Variants in RYR3 observed in about 807,000 individuals in gnomAD.
RYR3 encodes the protein brain ryanodine receptor-calcium release channel.
Under a neutral mutation model 584.3 loss-of-function variants are expected in RYR3, and 207 were observed. The ratio of observed to expected loss-of-function variants is 0.35; its 90% CI spans 0.32 to 0.40. The LOEUF is 0.40. Ranked by LOEUF, RYR3 falls within the 10% of genes least tolerant of loss-of-function variation. The pLI, the probability that RYR3 is intolerant of heterozygous loss-of-function variation, is 1.00. For synonymous variants in RYR3, 2,416 were observed against 2,248.5 expected (o/e 1.07, Z -2.11); for missense variants, 5,616 against 6,089.2 (o/e 0.92, Z 2.59).
intron 38 of RYR3, among the ~76,000 whole-genome samples, chr15:33,694,565 A>G (rs2065702881): frequency 6.6e-6 from 1 of 152,022 alleles, no homozygotes; most frequent in African/African-American, 2.4e-5. Flanking sequence ...GAATAATATG[A>G]CAGACAATAA....
At chr15:33,489,622 G>A (rs2050797844) in intron 2 of RYR3, among the ~76,000 whole-genome samples, 1 of 152,160 alleles carries the variant, frequency 6.6e-6, no homozygotes, top group Non-Finnish European at 1.5e-5. Context: ...GAGCATTTAG[G>A]TTGATTCCAT....
At chr15:33,654,849 C>T (rs1252930153) in intron 32 of RYR3, among the ~76,000 whole-genome samples, 1 of 152,234 alleles carries the variant, frequency 6.6e-6, no homozygotes, top group African/African-American at 2.4e-5. Flanking sequence ...CTTAAATCAG[C>T]CTCAGGTTAC....
Position 33,812,944 on chromosome 15 carries a change from A to C in RYR3, c.10339A>C (p.Thr3447Pro). The change falls in exon 73 of 104, where the codon ACA (threonine) becomes CCA (proline). Residue 3447 changes from threonine to proline, a missense_variant. This residue lies in a region of RYR3 where 954 missense variants were observed against 1,132.2 expected (regional missense o/e 0.84). Coordinates refer to ENST00000634891, the MANE Select transcript of RYR3 (RefSeq NM_001036.6). ...KSEEPFNPEK[T>P]VERVQRISAA... ...TGAAGAACCTTTCAATCCGGAAAAGACAGTGGAGCGTGTGCAGAGAATTTC... is the reference window on the plus strand; with the variant it reads ...TGAAGAACCTTTCAATCCGGAAAAGCCAGTGGAGCGTGTGCAGAGAATTTC... 6.2e-7 allele frequency: 1 copy of C among 1,613,960 alleles called. No individual in the cohort carries two copies. The highest frequency in any genetic ancestry group is 8.5e-7 in the Non-Finnish European group (1 of 1,179,812).
chr15:33,748,404 G>A, intron 54 of RYR3, 64 bp from the exon 55 acceptor site: 2 of 1,555,914 alleles, frequency 1.3e-6, no homozygotes, highest in South Asian at 2.3e-5. Flanking sequence ...AGCTGAAGTT[G>A]GGGATGCCTG....
chr15:33,493,921 T>C (rs2051189882), intron 2 of RYR3, among the ~76,000 whole-genome samples: 1 of 147,504 alleles, frequency 6.8e-6, no homozygotes, highest in African/African-American at 2.7e-5. Flanking sequence ...TGTCTCAAAA[T>C]AATAATGATG....
chr15:33,749,685 G>A (rs564335801), intron 55 of RYR3, among the ~76,000 whole-genome samples: 5 of 152,288 alleles, frequency 3.3e-5, no homozygotes, highest in African/African-American at 1.2e-4. Flanking sequence ...ATGATGTGCT[G>A]CCAGCATGCG....
intron 15 of RYR3, among the ~76,000 whole-genome samples, 158 bp from the exon 16 acceptor site, chr15:33,585,840 T>C (rs1383784992): frequency 1.3e-5 from 2 of 152,102 alleles, no homozygotes; most frequent in Admixed American, 6.5e-5. Flanking sequence ...CTACCGGAAA[T>C]GATGCATTTT....
chr15:33,552,352 A>G (rs2141261939), intron 10 of RYR3, among the ~76,000 whole-genome samples: 1 of 152,122 alleles, frequency 6.6e-6, no homozygotes, highest in East Asian at 1.9e-4. Flanking sequence ...ATTTCCCTTC[A>G]AAGGGTCCAT....
At chr15:33,518,528 C>T (rs937846767) in intron 3 of RYR3, among the ~76,000 whole-genome samples, 3 of 152,198 alleles carry the variant, frequency 2.0e-5, no homozygotes, top group East Asian at 1.9e-4. Flanking sequence ...GCTGCAAAGC[C>T]TGCCACAGTG....
At position 33,618,979 on chromosome 15, in the gene RYR3, A is replaced by G. The variant is rs1030927399; in HGVS notation, c.2358-4828A>G. Among the ~76,000 whole-genome samples the G allele has an allele frequency of 3.9e-5, 6 of 152,230 alleles. No individual in the cohort carries two copies. The East Asian group carries it at 5.8e-4, about 15-fold the overall frequency. On this transcript the variant is annotated intron_variant, in intron 19 of 103. Transcript: ENST00000634891. The stretch of plus-strand genomic sequence containing the variant: ...TGAAAATGCTGGCAGAGATTTTTCA[A>G]TATAATTTGTCCTGTGTTTTCAAAA...
intron 65 of RYR3, among the ~76,000 whole-genome samples, chr15:33,783,496 T>C (rs1386845926): frequency 6.6e-6 from 1 of 152,190 alleles, no homozygotes; most frequent in Non-Finnish European, 1.5e-5. Context: ...TACGTATAAA[T>C]AACTTTTAAA....
intron 49 of RYR3, among the ~76,000 whole-genome samples, chr15:33,736,812 GATCTC>G (rs1302732462): frequency 6.6e-6 from 1 of 151,770 alleles, no homozygotes; most frequent in Non-Finnish European, 1.5e-5. Context: ...GCAGTGGTGA[GATCTC>G]AGCTCACTGC....
intron 1 of RYR3, among the ~76,000 whole-genome samples, chr15:33,468,545 C>T (rs1373858564): frequency 6.6e-6 from 1 of 152,132 alleles, no homozygotes; most frequent in Admixed American, 6.5e-5. Flanking sequence ...GAAAATGACC[C>T]TGTTATGTGG....
chr15:33,755,375 C>A (rs1312794403), intron 58 of RYR3, among the ~76,000 whole-genome samples, 195 bp downstream of exon 58: 1 of 152,130 alleles, frequency 6.6e-6, no homozygotes, highest in East Asian at 1.9e-4. Context: ...AATCCCAGCA[C>A]TTTGGGAGGC....
Position 33,543,732 on chromosome 15 carries a change from A to G in RYR3, c.740+17A>G, listed in dbSNP as rs2056020206. The G allele has an allele frequency of 1.4e-6, 2 of 1,462,120 alleles. No individual in the cohort carries two copies. Among genetic ancestry groups the G allele is most frequent in the Non-Finnish European group, 1.9e-6 (2 of 1,041,588 alleles). The allele number at this position is 1,462,120 out of a possible 1,614,324, so 90.6% of individuals were successfully genotyped here. Reference sequence around the variant, plus strand: ...CCAGCACAGGTAAGTCAGTAGCTGCATTCTTCCACTAGCTGTTTCCAGTCT... The same window carrying G: ...CCAGCACAGGTAAGTCAGTAGCTGCGTTCTTCCACTAGCTGTTTCCAGTCT... On this transcript the variant is annotated intron_variant, in intron 8 of 103. Transcript: ENST00000634891.
intron 38 of RYR3, among the ~76,000 whole-genome samples, chr15:33,689,505 G>A (rs976133340): frequency 1.3e-5 from 2 of 152,042 alleles, no homozygotes; most frequent in Admixed American, 6.5e-5. Context: ...AAGGAACATA[G>A]CATTCCAAAA....
chr15:33,734,678 ATTTT>A (rs34290310), intron 48 of RYR3, among the ~76,000 whole-genome samples: 66 of 130,480 alleles, frequency 5.1e-4, no homozygotes, highest in Non-Finnish European at 8.6e-4. Flanking sequence ...GAGAAATTCG[ATTTT>A]TTTTTCTTTT....
Position 33,853,582 on chromosome 15 carries a change from G to A in RYR3, c.13699G>A (p.Gly4567Arg), listed in dbSNP as rs755726313. 10 of 1,613,788 alleles carry A rather than the reference G, an allele frequency of 6.2e-6. No individual in the cohort carries two copies. The highest frequency in any genetic ancestry group is 2.7e-5 in the African/African-American group (2 of 74,916). ...KVINKYGDLY[G>R]AERIAELLGL... ...GATCAACAAGTATGGAGATCTCTAC[G>A]GAGCAGAACGCATTGCTGAACTTCT... Residue 4567 changes from glycine (G) to arginine (R), a missense_variant, in exon 96 of 104, where the codon GGA becomes AGA. Physicochemically the swap from Gly to Arg is moderately radical, Grantham distance 125. Transcript: ENST00000634891.
chr15:33,616,515 A>G (rs992664931), intron 19 of RYR3, among the ~76,000 whole-genome samples: 1 of 152,208 alleles, frequency 6.6e-6, no homozygotes, highest in Non-Finnish European at 1.5e-5. Context: ...TTCTGAGTGC[A>G]CAGATAAAGG....
Sources: gnomAD v4.1 joint callset for allele counts (sites outside exome capture counted in the v4.1 genomes callset) on GRCh38, gnomAD v4.1.1 for gene constraint, gnomAD v4.1.1 regional missense constraint, MANE v1.5 for transcripts, NCBI Gene and HGNC (gene_info 2026-07-23, HGNC 2026-07-21) for gene names.